ISX: variants seen among roughly 807,000 people sequenced by gnomAD.
ISX encodes the protein intestine specific homeobox.
ISX carries 15 observed loss-of-function variants against 16.9 expected under a neutral mutation model. The ratio of observed to expected loss-of-function variants is 0.89; its 90% CI spans 0.59 to 1.36. ISX has a LOEUF of 1.36. Ranked by LOEUF, ISX falls within the 40% of genes most tolerant of loss-of-function variation. The probability of loss-of-function intolerance (pLI) is 0.00; values close to 1 mark genes in which losing one functional copy is unlikely to be tolerated. For missense variants in ISX, 316 were observed against 306.1 expected (o/e 1.03, Z -0.24); for synonymous variants, 125 against 119.7 (o/e 1.04, Z -0.29).
At chr22:35,085,430 T>C (rs1330109798) in intron 4 of ISX, 24 bp from the exon 5 acceptor site, 1 of 1,613,800 alleles carries the variant, frequency 6.2e-7, no homozygotes, top group East Asian at 2.2e-5. Context: ...CTCACTTCTC[T>C]CTCCTGACCT....
intron 2 of ISX, among the ~76,000 whole-genome samples, chr22:35,077,171 C>T (rs776240008): frequency 9.2e-5 from 14 of 152,230 alleles, no homozygotes; most frequent in Non-Finnish European, 2.1e-4. Flanking sequence ...CTATCCTATG[C>T]ATGGGCCAGG....
intron 2 of ISX, among the ~76,000 whole-genome samples, chr22:35,078,616 C>T (rs9622123): frequency 0.42 from 64,503 of 151,914 alleles, 14,419 homozygotes; most frequent in Non-Finnish European, 0.5. Context: ...TCACTGCCTG[C>T]GACTCCCAAG....
chr22:35,079,022 C>A (rs1213461247), intron 2 of ISX, among the ~76,000 whole-genome samples: 1 of 152,184 alleles, frequency 6.6e-6, no homozygotes, highest in Non-Finnish European at 1.5e-5. Flanking sequence ...ATAGTGGAAC[C>A]AGGAACACAG....
At chr22:35,079,892 C>G (rs1369022441) in intron 2 of ISX, among the ~76,000 whole-genome samples, 1 of 152,190 alleles carries the variant, frequency 6.6e-6, no homozygotes. Context: ...CCCACTGCCA[C>G]CGGGTTTGGT....
At chr22:35,083,004 G>A (rs1003521269) in intron 3 of ISX, among the ~76,000 whole-genome samples, 3 of 152,138 alleles carry the variant, frequency 2.0e-5, no homozygotes, top group African/African-American at 7.2e-5. Flanking sequence ...TAGATCAGGG[G>A]TCAACAACCT....
rs532379713 is a variant in ISX at position 35,078,585 on chromosome 22, T to A, written c.230-3933T>A. Among the ~76,000 whole-genome samples, 3 of 152,178 alleles carry A rather than the reference T, an allele frequency of 2.0e-5. No homozygotes were observed. In the East Asian group the frequency reaches 5.8e-4, roughly 29 times the overall value. Reference sequence around the variant, plus strand: ...GTCACAGGCCAATAACTCACTCTAGTGGGGAGTAATGTTCAAAGCCTCACT... The same window carrying A: ...GTCACAGGCCAATAACTCACTCTAGAGGGGAGTAATGTTCAAAGCCTCACT... On this transcript the variant is annotated intron_variant, in intron 2 of 4. Coordinates refer to ENST00000404699, the MANE Select transcript of ISX (RefSeq NM_001303508.2).
In ISX at chr22:35,087,260, G is replaced by A. The variant is rs1224472082; in HGVS notation, c.*1567G>A. 1 of 152,244 alleles carries A rather than the reference G, an allele frequency of 6.6e-6. No homozygotes were observed. Among genetic ancestry groups the A allele is most frequent in the Non-Finnish European group, 1.5e-5 (1 of 68,072 alleles). 9.4% of individuals were successfully genotyped at this position (152,244 alleles called of 1,614,324 possible). ...TAGCACCGCTGGATGAAAGGAGAAG[G>A]CTAGAGGCTGAGGGAGGAAAGAGCA... On this transcript the variant is annotated 3_prime_UTR_variant, in exon 5 of 5. Transcript: ENST00000404699.
intron 2 of ISX, among the ~76,000 whole-genome samples, chr22:35,073,854 AG>A (rs948816585): frequency 3.1e-4 from 47 of 152,338 alleles, no homozygotes; most frequent in African/African-American, 1.0e-3. Flanking sequence ...TTGTATTCCT[AG>A]GGGAATGAAG....
chr22:35,074,877 C>CACAT (rs386395314), intron 2 of ISX, among the ~76,000 whole-genome samples: 1 of 151,910 alleles, frequency 6.6e-6, no homozygotes, highest in African/African-American at 2.4e-5. Context: ...CGTGCACACA[C>CACAT]ACATGCATGC....
chr22:35,083,915 G>A (rs975175439), intron 3 of ISX, among the ~76,000 whole-genome samples: 6 of 152,346 alleles, frequency 3.9e-5, no homozygotes, highest in South Asian at 2.1e-4. Context: ...CGGCCAAGAG[G>A]CCCCAGGGGT....
At position 35,070,835 on chromosome 22, in the gene ISX, G is replaced by T. The variant is rs142912212; in HGVS notation, c.229+3519G>T. 4.0e-3 allele frequency among the ~76,000 whole-genome samples: 613 copies of T among 152,322 alleles called. 2 individuals carry two copies. The highest frequency in any genetic ancestry group is 0.013 in the African/African-American group (529 of 41,572). ...GAGAAGCATCCTGTAGCAAGGGACA[G>T]CAATGTTTTTCTGCAAAGGAACAGA... On this transcript the variant is annotated intron_variant, in intron 2 of 4. Transcript: ENST00000404699.
intron 2 of ISX, 149 bp from the exon 3 acceptor site, chr22:35,082,369 A>G (rs1016175368): frequency 2.5e-5 from 18 of 709,538 alleles, no homozygotes; most frequent in African/African-American, 2.1e-4. Context: ...TTTAGGAAAG[A>G]GAATACTGTG....
intron 2 of ISX, among the ~76,000 whole-genome samples, chr22:35,081,905 C>T (rs1929131095): frequency 6.6e-6 from 1 of 152,370 alleles, no homozygotes; most frequent in East Asian, 1.9e-4. Flanking sequence ...CTGGGCCCCA[C>T]AAATGATGTA....
intron 3 of ISX, among the ~76,000 whole-genome samples, chr22:35,083,026 G>A (rs1601561626): frequency 6.6e-6 from 1 of 152,320 alleles, no homozygotes; most frequent in African/African-American, 2.4e-5. Context: ...TCTGCAAAGA[G>A]CCAGATGGTA....
chr22:35,070,287 G>C (rs2146287479), intron 2 of ISX, among the ~76,000 whole-genome samples: 1 of 152,260 alleles, frequency 6.6e-6, no homozygotes, highest in Admixed American at 6.5e-5. Context: ...TTCTTTATCT[G>C]AAAAGATTCT....
At chr22:35,074,045 A>G (rs566393970) in intron 2 of ISX, among the ~76,000 whole-genome samples, 2 of 152,332 alleles carry the variant, frequency 1.3e-5, no homozygotes, top group South Asian at 4.1e-4. Context: ...AATGATAAGC[A>G]ACCTTCAGCC....
In ISX at chr22:35,068,587, A is replaced by G. The variant is rs143309671; in HGVS notation, c.229+1271A>G. ...CCTCCTGCAGTTGTACAAATCTATG[A>G]TCACCCTGTGTCATGAGAGAGAGGT... On this transcript the variant is annotated intron_variant, in intron 2 of 4. Coordinates refer to ENST00000404699, the MANE Select transcript of ISX (RefSeq NM_001303508.2). Among the ~76,000 whole-genome samples, 383 of 152,272 alleles carry G rather than the reference A, an allele frequency of 2.5e-3. 4 individuals are homozygous for G. The highest frequency in any genetic ancestry group is 8.1e-3 in the African/African-American group (337 of 41,558).
rs764851237 is a variant in ISX, at chr22:35,084,404, G to C, written c.403G>C (p.Ala135Pro). ...RVQIWFQNQR[A>P]KWRKQEKIGN... ...ACAGATCTGGTTCCAGAATCAGCGA[G>C]CCAAGTGGCGGAAGCAGGAGAAGAT... The change falls in exon 4 of 5, where the codon GCC (alanine) becomes CCC (proline). Residue 135 changes from alanine (A) to proline (P), a missense_variant. Transcript: ENST00000404699. The C allele has an allele frequency of 6.2e-7, 1 of 1,613,864 alleles. No individual in the cohort carries two copies. Among genetic ancestry groups the C allele is most frequent in the African/African-American group, 1.3e-5 (1 of 74,946 alleles).
chr22:35,083,679 G>A (rs1392830946), intron 3 of ISX, among the ~76,000 whole-genome samples: 1 of 152,176 alleles, frequency 6.6e-6, no homozygotes, highest in Non-Finnish European at 1.5e-5. Context: ...CCAACATTCT[G>A]TTCTTTATTC....
Sources: gnomAD v4.1 joint callset for allele counts (sites outside exome capture counted in the v4.1 genomes callset) on GRCh38, gnomAD v4.1.1 for gene constraint, MANE v1.5 for transcripts, NCBI Gene and HGNC (gene_info 2026-07-23, HGNC 2026-07-21) for gene names.